Variants in NTRK3 observed in about 807,000 individuals in gnomAD.
NTRK3 encodes the protein neurotrophic receptor tyrosine kinase 3.
NTRK3 carries 24 observed loss-of-function variants against 91.7 expected under a neutral mutation model. The observed-to-expected ratio is 0.26, with a 90% CI of 0.19 to 0.37. The LOEUF is 0.37. NTRK3 is among the 10% of genes least tolerant of loss of function. The probability of loss-of-function intolerance (pLI) is 1.00; values close to 1 mark genes in which losing one functional copy is unlikely to be tolerated. For synonymous variants in NTRK3, 483 were observed against 404.0 expected (o/e 1.20, Z -2.34); for missense variants, 880 against 1,068.9 (o/e 0.82, Z 2.46).
At chr15:87,893,837 C>T (rs886885711) in intron 17 of NTRK3, among the ~76,000 whole-genome samples, 12 of 152,094 alleles carry the variant, frequency 7.9e-5, no homozygotes, top group Non-Finnish European at 1.5e-4. Context: ...ATTCACAGGG[C>T]ATAATATTTC....
At position 88,207,777 on chromosome 15, in the gene NTRK3, G is replaced by A. The variant is rs1278201734; in HGVS notation, c.249-23478C>T. On this transcript the variant is annotated intron_variant, in intron 3 of 18. Coordinates refer to ENST00000394480, the Ensembl canonical transcript of NTRK3. ...ATCATCAGCATCACCCTCAAACACA[G>A]CCTCAACAGACCAGGGCCAGATGTG... 2.0e-5 allele frequency among the ~76,000 whole-genome samples: 3 copies of A among 152,254 alleles called. No homozygotes were observed. The East Asian group carries it at 5.8e-4, about 29-fold the overall frequency.
chr15:88,064,377 G>A (rs891552958), intron 13 of NTRK3, among the ~76,000 whole-genome samples: 3 of 152,218 alleles, frequency 2.0e-5, no homozygotes, highest in Middle Eastern at 3.4e-3. Flanking sequence ...TTTATAGCTC[G>A]TCCTTCAAGG....
At chr15:88,021,420 A>G (rs2077579745) in intron 14 of NTRK3, among the ~76,000 whole-genome samples, 1 of 152,222 alleles carries the variant, frequency 6.6e-6, no homozygotes, top group Admixed American at 6.5e-5. Flanking sequence ...AGATGCTAAC[A>G]GGTATACCTC....
chr15:87,887,073 C>T (rs1397665629), intron 17 of NTRK3, among the ~76,000 whole-genome samples: 1 of 151,964 alleles, frequency 6.6e-6, no homozygotes, highest in Admixed American at 6.6e-5. Context: ...TAATTTTAAA[C>T]ACAACCCAGA....
chr15:88,239,177 A>C (rs938189981), intron 3 of NTRK3, among the ~76,000 whole-genome samples: 1 of 151,534 alleles, frequency 6.6e-6, no homozygotes, highest in Non-Finnish European at 1.5e-5. Context: ...GGGCCCAGAT[A>C]AGCAAACTGG....
intron 15 of NTRK3, among the ~76,000 whole-genome samples, chr15:87,934,217 C>T (rs1404485276): frequency 6.6e-6 from 1 of 152,120 alleles, no homozygotes; most frequent in Non-Finnish European, 1.5e-5. Flanking sequence ...GTGGGCGCCC[C>T]GATTTCTCCA....
chr15:88,094,193 G>A (rs1191838650), intron 13 of NTRK3, among the ~76,000 whole-genome samples: 1 of 152,000 alleles, frequency 6.6e-6, no homozygotes, highest in South Asian at 2.1e-4. Flanking sequence ...TCGGCCGGGC[G>A]CGGTGGCTCA....
At chr15:88,041,716 G>C (rs942084725) in intron 13 of NTRK3, among the ~76,000 whole-genome samples, 1 of 151,740 alleles carries the variant, frequency 6.6e-6, no homozygotes, top group African/African-American at 2.4e-5. Context: ...GATTGGTGGG[G>C]GTGCTGTCTA....
chr15:87,878,826 G>A (rs920539360), intron 18 of NTRK3, among the ~76,000 whole-genome samples: 2 of 151,990 alleles, frequency 1.3e-5, no homozygotes, highest in African/African-American at 4.8e-5. Flanking sequence ...CTTCTGTTAA[G>A]ACCAATAGCA....
chr15:88,168,930 C>T (rs2045251489), intron 5 of NTRK3, among the ~76,000 whole-genome samples: 1 of 152,234 alleles, frequency 6.6e-6, no homozygotes, highest in Non-Finnish European at 1.5e-5. Flanking sequence ...GATCTGTGCA[C>T]ATGACACTTG....
chr15:88,050,434 G>T (rs866707217), intron 13 of NTRK3, among the ~76,000 whole-genome samples: 1 of 151,948 alleles, frequency 6.6e-6, no homozygotes, highest in Non-Finnish European at 1.5e-5. Context: ...TCAGATATTA[G>T]ACATGTATCT....
At chr15:88,098,458 A>G (rs2150838934) in intron 13 of NTRK3, 1 of 200,660 alleles carries the variant, frequency 5.0e-6, no homozygotes. Flanking sequence ...AGCTTCAGCA[A>G]GCCTCGCGCA....
At position 88,170,272 on chromosome 15, in the gene NTRK3, C is replaced by T. The variant is rs74027788; in HGVS notation, c.395+13146G>A. ...TGCTTGTTTCAGGCAATGAGGTTGA[C>T]ATAATTTGCATCAGCAACATTTTTC... On this transcript the variant is annotated intron_variant, in intron 5 of 18. Coordinates refer to ENST00000394480, the Ensembl canonical transcript of NTRK3. Among the ~76,000 whole-genome samples, 957 of 152,310 alleles carry T rather than the reference C, an allele frequency of 6.3e-3. 16 individuals are homozygous for T. Among genetic ancestry groups the T allele is most frequent in the African/African-American group, 0.022 (918 of 41,572 alleles).
intron 13 of NTRK3, among the ~76,000 whole-genome samples, chr15:88,066,557 A>C (rs1339191086): frequency 6.6e-6 from 1 of 152,208 alleles, no homozygotes; most frequent in East Asian, 1.9e-4. Context: ...ACAGAACTGC[A>C]AAGTCCTCCC....
At chr15:87,944,104 G>A (rs1596341038) in intron 14 of NTRK3, among the ~76,000 whole-genome samples, 1 of 152,176 alleles carries the variant, frequency 6.6e-6, no homozygotes, top group East Asian at 1.9e-4. Flanking sequence ...GTGAGTGCTG[G>A]GAAGGAGCTG....
At chr15:88,144,475 C>G (rs917762234) in intron 6 of NTRK3, among the ~76,000 whole-genome samples, 3 of 152,088 alleles carry the variant, frequency 2.0e-5, no homozygotes, top group Non-Finnish European at 4.4e-5. Flanking sequence ...TTTGATTCCA[C>G]TCAAGGGACC....
At chr15:88,256,248 G>T (rs2054048579) in intron 2 of NTRK3, 36 bp downstream of exon 2, 1 of 283,562 alleles carries the variant, frequency 3.5e-6, no homozygotes, top group African/African-American at 2.7e-5. Context: ...AACAAAGACG[G>T]CGAGGGAGGG....
At chr15:88,087,033 C>T (rs573876038) in intron 13 of NTRK3, among the ~76,000 whole-genome samples, 1 of 152,312 alleles carries the variant, frequency 6.6e-6, no homozygotes, top group Admixed American at 6.5e-5. Context: ...TGCATTGGGT[C>T]ACAGAGAGGT....
At chr15:88,244,432 A>T (rs2141932444) in intron 3 of NTRK3, among the ~76,000 whole-genome samples, 1 of 152,314 alleles carries the variant, frequency 6.6e-6, no homozygotes, top group East Asian at 1.9e-4. Context: ...AAGGATTGGA[A>T]CCTGAGACAG....
Sources: gnomAD v4.1 joint callset for allele counts (sites outside exome capture counted in the v4.1 genomes callset) on GRCh38, gnomAD v4.1.1 for gene constraint, MANE v1.5 for transcripts, NCBI Gene and HGNC (gene_info 2026-07-23, HGNC 2026-07-21) for gene names.